SLC9A9: variants seen among roughly 807,000 people sequenced by gnomAD.
SLC9A9 encodes sodium/hydrogen exchanger 9.
SLC9A9 carries 62 observed loss-of-function variants against 77.8 expected under a neutral mutation model. The observed-to-expected ratio is 0.80, with a 90% CI of 0.65 to 0.98. The LOEUF is 0.98. SLC9A9 is among the 50% of genes least tolerant of loss of function. The pLI, the probability that SLC9A9 is intolerant of heterozygous loss-of-function variation, is 0.00. For missense variants in SLC9A9, 775 were observed against 774.9 expected (o/e 1.00, Z 0.00); for synonymous variants, 320 against 283.5 (o/e 1.13, Z -1.29).
intron 5 of SLC9A9, among the ~76,000 whole-genome samples, chr3:143,667,147 G>A (rs1415460933): frequency 1.3e-5 from 2 of 152,092 alleles, no homozygotes; most frequent in Non-Finnish European, 2.9e-5. Flanking sequence ...TAGACCAATG[G>A]AACAGAACAG....
Position 143,841,285 on chromosome 3 carries a change from T to C in SLC9A9, c.175+6863A>G, listed in dbSNP as rs544796655. ...AGCCAAACTGCTAAGGTTTGAGACCTAGCCCTGGCATTTAGTACATGTGCA... is the reference window on the plus strand; with the variant it reads ...AGCCAAACTGCTAAGGTTTGAGACCCAGCCCTGGCATTTAGTACATGTGCA... On this transcript the variant is annotated intron_variant, in intron 1 of 15. Transcript: ENST00000316549. Among the ~76,000 whole-genome samples the C allele has an allele frequency of 7.9e-5, 12 of 152,326 alleles. No homozygotes were observed. In the South Asian group the frequency reaches 2.1e-3, roughly 26 times the overall value.
At chr3:143,461,670 C>G (rs570046917) in intron 12 of SLC9A9, among the ~76,000 whole-genome samples, 8 of 152,286 alleles carry the variant, frequency 5.3e-5, no homozygotes, top group African/African-American at 1.7e-4. Flanking sequence ...TTAGGACCTG[C>G]TCAGTCTAAC....
chr3:143,524,656 G>C (rs2036373478), intron 9 of SLC9A9, among the ~76,000 whole-genome samples: 1 of 152,144 alleles, frequency 6.6e-6, no homozygotes, highest in African/African-American at 2.4e-5. Context: ...GATTTCTTAA[G>C]AGTATACATC....
intron 14 of SLC9A9, among the ~76,000 whole-genome samples, chr3:143,306,497 T>G (rs1353045706): frequency 3.9e-5 from 6 of 152,238 alleles, no homozygotes; most frequent in Admixed American, 3.9e-4. Context: ...GCACTTGAGT[T>G]TATTCTTATA....
intron 4 of SLC9A9, among the ~76,000 whole-genome samples, chr3:143,717,847 A>G (rs1054513653): frequency 3.3e-5 from 5 of 152,038 alleles, no homozygotes; most frequent in Non-Finnish European, 5.9e-5. Flanking sequence ...AAACAAGTCC[A>G]TACACACAAA....
At chr3:143,358,604 GAC>G (rs2108480044) in intron 14 of SLC9A9, among the ~76,000 whole-genome samples, 1 of 152,266 alleles carries the variant, frequency 6.6e-6, no homozygotes, top group African/African-American at 2.4e-5. Flanking sequence ...CTAGAAAGGA[GAC>G]AGTCAAGCAA....
intron 14 of SLC9A9, among the ~76,000 whole-genome samples, chr3:143,303,369 T>A (rs2030619443): frequency 6.8e-6 from 1 of 146,604 alleles, no homozygotes; most frequent in Non-Finnish European, 1.5e-5. Context: ...TTTCTTTTTC[T>A]TTTCTTTTTT....
intron 14 of SLC9A9, among the ~76,000 whole-genome samples, chr3:143,292,837 C>A (rs1448429025): frequency 6.6e-6 from 1 of 152,140 alleles, no homozygotes; most frequent in Admixed American, 6.5e-5. Flanking sequence ...ATCCCCGATC[C>A]CTCTGCACGT....
At chr3:143,688,276 G>C (rs1331468759) in intron 5 of SLC9A9, among the ~76,000 whole-genome samples, 1 of 151,520 alleles carries the variant, frequency 6.6e-6, no homozygotes, top group Admixed American at 6.6e-5. Flanking sequence ...CATTTTAATT[G>C]GTTTTCCTGT....
At chr3:143,506,453 C>G (rs1420022305) in intron 9 of SLC9A9, among the ~76,000 whole-genome samples, 1 of 152,128 alleles carries the variant, frequency 6.6e-6, no homozygotes, top group Non-Finnish European at 1.5e-5. Context: ...TTCTTTGGTT[C>G]ACAGAAAAAT....
intron 6 of SLC9A9, among the ~76,000 whole-genome samples, chr3:143,597,094 T>C (rs758513603): frequency 1.2e-4 from 18 of 152,174 alleles, no homozygotes; most frequent in Admixed American, 2.6e-4. Context: ...GTAAGATACA[T>C]GGATGTGCTT....
intron 13 of SLC9A9, among the ~76,000 whole-genome samples, chr3:143,368,759 C>T (rs2032973839): frequency 6.6e-6 from 1 of 152,284 alleles, no homozygotes; most frequent in South Asian, 2.1e-4. Context: ...ATAACAATTT[C>T]AAATGCATTG....
intron 14 of SLC9A9, among the ~76,000 whole-genome samples, chr3:143,333,998 TTTGC>T: frequency 6.6e-6 from 1 of 152,194 alleles, no homozygotes; most frequent in African/African-American, 2.4e-5. Flanking sequence ...TTAGAATAGT[TTTGC>T]TTTTATTAAT....
intron 6 of SLC9A9, among the ~76,000 whole-genome samples, chr3:143,621,839 C>A (rs1160035020): frequency 6.6e-6 from 1 of 151,950 alleles, no homozygotes. Context: ...AAAGTTCGAA[C>A]CCATGGCAAA....
At chr3:143,846,769 T>G (rs1241722118) in intron 1 of SLC9A9, among the ~76,000 whole-genome samples, 1 of 152,184 alleles carries the variant, frequency 6.6e-6, no homozygotes, top group Non-Finnish European at 1.5e-5. Context: ...GTTTTTTTTC[T>G]TTTTTTAATT....
intron 9 of SLC9A9, among the ~76,000 whole-genome samples, chr3:143,496,746 A>G (rs1337588915): frequency 1.3e-5 from 2 of 152,222 alleles, no homozygotes; most frequent in Non-Finnish European, 2.9e-5. Flanking sequence ...TTTCTGCCTC[A>G]TTATATCTTT....
intron 4 of SLC9A9, among the ~76,000 whole-genome samples, chr3:143,730,402 C>T (rs368116344): frequency 2.6e-5 from 4 of 152,210 alleles, no homozygotes; most frequent in African/African-American, 7.2e-5. Context: ...TTCTACAAGG[C>T]CTGCCTCTCT....
At chr3:143,603,404 C>T (rs904565315) in intron 6 of SLC9A9, among the ~76,000 whole-genome samples, 1 of 152,124 alleles carries the variant, frequency 6.6e-6, no homozygotes, top group African/African-American at 2.4e-5. Context: ...ACAGAATTGG[C>T]TGGAAGTGAC....
At chr3:143,474,363 G>T (rs2035430835) in intron 11 of SLC9A9, among the ~76,000 whole-genome samples, 1 of 152,106 alleles carries the variant, frequency 6.6e-6, no homozygotes, top group South Asian at 2.1e-4. Flanking sequence ...GATAGTGATA[G>T]GATCTGTTCT....
Sources: allele counts gnomAD v4.1 joint callset (sites outside exome capture counted in the v4.1 genomes callset), GRCh38; gene constraint gnomAD v4.1.1; transcripts MANE v1.5; gene names NCBI Gene and HGNC (gene_info 2026-07-23, HGNC 2026-07-21).